KCNMA1: variants seen among roughly 807,000 people sequenced by gnomAD.
The protein encoded by KCNMA1 is potassium calcium-activated channel subfamily M alpha 1.
KCNMA1 carries 29 observed loss-of-function variants against 140.0 expected under a neutral mutation model. That is an observed-to-expected ratio of 0.21 (90% CI 0.15 to 0.28). The LOEUF (loss-of-function observed/expected upper bound fraction) is 0.28. Among genes scored for constraint, KCNMA1 ranks in the 10% least tolerant of loss-of-function variants. KCNMA1 has a pLI of 1.00. For missense variants in KCNMA1, 880 were observed against 1,602.2 expected (o/e 0.55, Z 7.70); for synonymous variants, 612 against 611.9 (o/e 1.00, Z 0.00).
chr10:77,419,455 C>G (rs2096822686), intron 1 of KCNMA1, among the ~76,000 whole-genome samples: 2 of 152,098 alleles, frequency 1.3e-5, no homozygotes, highest in South Asian at 4.2e-4. Flanking sequence ...TTGTTTTTCT[C>G]CTTTTGCAGC....
In KCNMA1 at chr10:77,041,610, G is replaced by C. The variant is rs956012441; in HGVS notation, c.1750-1973C>G. On this transcript the variant is annotated intron_variant, in intron 14 of 27. Transcript: ENST00000286628. ...GAGCCACTGCTACCGGCTTACAATG[G>C]AGTCAGTCTTTAGAAACTGGTGAAT... Among the ~76,000 whole-genome samples the C allele has an allele frequency of 3.9e-5, 6 of 152,306 alleles. No homozygotes were observed. In the East Asian group the frequency reaches 9.7e-4, roughly 25 times the overall value.
intron 5 of KCNMA1, among the ~76,000 whole-genome samples, chr10:77,152,306 G>GTGTGTGTGTGTGT (rs983444378): frequency 3.3e-5 from 5 of 151,614 alleles, no homozygotes; most frequent in Middle Eastern, 3.4e-3. Flanking sequence ...GTGTGTGTGT[G>GTGTGTGTGTGTGT]TGTTGTTGCT....
At chr10:77,467,825 A>G (rs1358312971) in intron 1 of KCNMA1, among the ~76,000 whole-genome samples, 1 of 152,210 alleles carries the variant, frequency 6.6e-6, no homozygotes, top group African/African-American at 2.4e-5. Context: ...GGTTATGTAC[A>G]CATTCCTGGA....
intron 1 of KCNMA1, among the ~76,000 whole-genome samples, chr10:77,413,756 G>A (rs138397309): frequency 6.6e-6 from 1 of 152,190 alleles, no homozygotes. Flanking sequence ...TGCACCAGCA[G>A]GGCTTAAGAC....
chr10:76,971,842 C>T (rs2076169377), intron 19 of KCNMA1, among the ~76,000 whole-genome samples: 1 of 152,160 alleles, frequency 6.6e-6, no homozygotes, highest in Non-Finnish European at 1.5e-5. Context: ...GAAAAAATCA[C>T]TTAGAGTTGA....
intron 1 of KCNMA1, among the ~76,000 whole-genome samples, chr10:77,594,511 C>T (rs191745571): frequency 1.3e-5 from 2 of 152,316 alleles, no homozygotes; most frequent in Admixed American, 6.5e-5. Context: ...AGTGCCTACC[C>T]TTGCCCACGA....
chr10:76,965,212 G>A (rs902182670), intron 20 of KCNMA1, among the ~76,000 whole-genome samples: 6 of 152,142 alleles, frequency 3.9e-5, no homozygotes, highest in Admixed American at 1.3e-4. Flanking sequence ...GATGATTTTA[G>A]AGGAAAACTA....
intron 3 of KCNMA1, among the ~76,000 whole-genome samples, chr10:77,217,076 G>A (rs911150612): frequency 3.3e-5 from 5 of 151,932 alleles, no homozygotes; most frequent in African/African-American, 9.7e-5. Flanking sequence ...AGGCTGAGGC[G>A]GGCGGATCAC....
intron 14 of KCNMA1, among the ~76,000 whole-genome samples, chr10:77,046,722 T>C (rs994861546): frequency 6.6e-6 from 1 of 152,228 alleles, no homozygotes; most frequent in African/African-American, 2.4e-5. Flanking sequence ...CATGTGGTTA[T>C]CTCCTTCTCT....
At chr10:77,155,023 G>A (rs367583667) in intron 5 of KCNMA1, among the ~76,000 whole-genome samples, 4 of 152,166 alleles carry the variant, frequency 2.6e-5, no homozygotes, top group Admixed American at 6.5e-5. Flanking sequence ...CCAAAGGAGC[G>A]GGTTGCTGCC....
intron 2 of KCNMA1, among the ~76,000 whole-genome samples, chr10:77,303,416 C>T (rs767431561): frequency 2.0e-5 from 3 of 152,280 alleles, no homozygotes; most frequent in Non-Finnish European, 4.4e-5. Flanking sequence ...TTAAGTCTCC[C>T]ATCACTTTCC....
chr10:77,128,142 C>A (rs113409756), intron 5 of KCNMA1, among the ~76,000 whole-genome samples: 1,623 of 152,002 alleles, frequency 0.011, 34 homozygotes, highest in African/African-American at 0.037. Flanking sequence ...TTTAGAGTGG[C>A]CTTTGCCAGT....
intron 1 of KCNMA1, among the ~76,000 whole-genome samples, chr10:77,617,149 T>G (rs911986126): frequency 1.3e-5 from 2 of 152,234 alleles, no homozygotes; most frequent in African/African-American, 4.8e-5. Flanking sequence ...GAACTTACTT[T>G]GCTGAGACAT....
At chr10:77,326,056 T>TGTG (rs2084075193) in intron 2 of KCNMA1, among the ~76,000 whole-genome samples, 1 of 152,234 alleles carries the variant, frequency 6.6e-6, no homozygotes, top group Non-Finnish European at 1.5e-5. Context: ...CTGCACACCC[T>TGTG]GTGCCTTACA....
chr10:76,996,402 A>C (rs1302006324), intron 19 of KCNMA1, among the ~76,000 whole-genome samples: 1 of 152,200 alleles, frequency 6.6e-6, no homozygotes, highest in African/African-American at 2.4e-5. Context: ...GTGTCTTAAG[A>C]AGCCCCTTCC....
At chr10:77,184,378 C>A (rs2098830096) in intron 4 of KCNMA1, among the ~76,000 whole-genome samples, 1 of 152,144 alleles carries the variant, frequency 6.6e-6, no homozygotes, top group African/African-American at 2.4e-5. Context: ...CGCCGCCACG[C>A]CTGGCTAACT....
intron 2 of KCNMA1, among the ~76,000 whole-genome samples, chr10:77,303,372 T>G (rs2076969717): frequency 6.6e-6 from 1 of 152,166 alleles, no homozygotes; most frequent in Admixed American, 6.5e-5. Flanking sequence ...GGGCATTTCC[T>G]AATCTGAAGG....
intron 19 of KCNMA1, chr10:76,974,252 C>T (rs2076863644): frequency 2.1e-6 from 1 of 484,422 alleles, no homozygotes; most frequent in Non-Finnish European, 3.7e-6. Context: ...GCTAACAGGG[C>T]TTCCGACTGA....
chr10:77,085,981 T>C (rs976411446), intron 11 of KCNMA1, among the ~76,000 whole-genome samples: 1 of 152,338 alleles, frequency 6.6e-6, no homozygotes, highest in African/African-American at 2.4e-5. Context: ...ATCAGATAAC[T>C]GCATGTTTAG....
Sources: allele counts gnomAD v4.1 joint callset (sites outside exome capture counted in the v4.1 genomes callset), GRCh38; gene constraint gnomAD v4.1.1; transcripts MANE v1.5; gene names NCBI Gene and HGNC (gene_info 2026-07-23, HGNC 2026-07-21).